VWA8: variants seen among roughly 807,000 people sequenced by gnomAD.
VWA8 encodes the protein von Willebrand factor A domain-containing protein 8.
VWA8 carries 221 observed loss-of-function variants against 241.5 expected under a neutral mutation model. The observed-to-expected ratio is 0.91, with a 90% CI of 0.82 to 1.02. The LOEUF (loss-of-function observed/expected upper bound fraction) is 1.02, where lower values mean the gene tolerates loss of function less well. Among genes scored for constraint, VWA8 ranks in the 50% least tolerant of loss-of-function variants. The pLI, the probability that VWA8 is intolerant of heterozygous loss-of-function variation, is 0.00. For synonymous variants in VWA8, 852 were observed against 827.1 expected, an observed-to-expected ratio of 1.03 and a Z score of -0.52; for missense variants, 2,322 against 2,328.7, an observed-to-expected ratio of 1.00 and a Z score of 0.06.
intron 43 of VWA8, 142 bp downstream of exon 43, chr13:41,575,598 T>C (rs1181958219): frequency 1.7e-6 from 1 of 584,360 alleles, no homozygotes; most frequent in African/African-American, 1.9e-5. Flanking sequence ...GCATGATGGG[T>C]GTTTTCTCAG....
At chr13:41,583,626 G>C (rs1383293832) in intron 42 of VWA8, among the ~76,000 whole-genome samples, 25 of 136,246 alleles carry the variant, frequency 1.8e-4, no homozygotes, top group Admixed American at 1.2e-3. Context: ...CTGGGTGACC[G>C]AGCAAGACTC....
At chr13:41,921,521 C>T (rs1876534480) in intron 2 of VWA8, among the ~76,000 whole-genome samples, 2 of 152,116 alleles carry the variant, frequency 1.3e-5, no homozygotes, top group Non-Finnish European at 1.5e-5. Context: ...GATGACATGA[C>T]TGTATATTTA....
intron 28 of VWA8, among the ~76,000 whole-genome samples, chr13:41,700,382 C>CT (rs1359066147): frequency 6.6e-6 from 1 of 151,842 alleles, no homozygotes; most frequent in African/African-American, 2.4e-5. Context: ...AACAGAAGGA[C>CT]TGAAAAAGAC....
intron 20 of VWA8, among the ~76,000 whole-genome samples, chr13:41,761,710 C>T (rs74514022): frequency 6.6e-6 from 1 of 152,006 alleles, no homozygotes; most frequent in Non-Finnish European, 1.5e-5. Flanking sequence ...TCCTTTAAAA[C>T]CTTGGAAACC....
chr13:41,754,277 A>C (rs1435753740), intron 21 of VWA8, among the ~76,000 whole-genome samples: 1 of 152,018 alleles, frequency 6.6e-6, no homozygotes, highest in Non-Finnish European at 1.5e-5. Flanking sequence ...GTCTCAAGAG[A>C]TCTGATGGTT....
rs369106098 is a variant in VWA8 at position 41,611,746 on chromosome 13, G to T, written c.4721-14C>A. On this transcript the variant is annotated splice_polypyrimidine_tract_variant and intron_variant, in intron 38 of 44. Coordinates refer to ENST00000379310, the MANE Select transcript of VWA8 (RefSeq NM_015058.2). ...TGTCTCTTCCCCCTGGAAGGAAAAC[G>T]TGGAAATTCAGATGATAAATCTGAA... The T allele has an allele frequency of 9.3e-6, 15 of 1,613,288 alleles. No individual in the cohort carries two copies. The highest frequency in any genetic ancestry group is 1.6e-4 in the Middle Eastern group (1 of 6,062).
At chr13:41,568,613 T>C (rs527590874) in intron 44 of VWA8, among the ~76,000 whole-genome samples, 2 of 152,342 alleles carry the variant, frequency 1.3e-5, no homozygotes, top group South Asian at 4.1e-4. Context: ...TTCATATTCT[T>C]TTGGTATAAC....
intron 37 of VWA8, among the ~76,000 whole-genome samples, chr13:41,627,509 T>TA (rs1168274153): frequency 3.3e-5 from 5 of 151,978 alleles, no homozygotes; most frequent in Non-Finnish European, 5.9e-5. Context: ...GGCAAAAGGG[T>TA]AAAAAAAGCT....
At chr13:41,862,653 C>A (rs1266634412) in intron 12 of VWA8, among the ~76,000 whole-genome samples, 2 of 152,180 alleles carry the variant, frequency 1.3e-5, no homozygotes, top group African/African-American at 2.4e-5. Context: ...GACATACATG[C>A]AGCCAATGAA....
At chr13:41,723,634 T>C (rs556974760) in intron 24 of VWA8, among the ~76,000 whole-genome samples, 1 of 152,206 alleles carries the variant, frequency 6.6e-6, no homozygotes, top group East Asian at 1.9e-4. Flanking sequence ...TGCAGGATAT[T>C]TGGAAAAGAG....
chr13:41,595,218 A>T (rs903314580), intron 40 of VWA8, among the ~76,000 whole-genome samples: 1 of 152,106 alleles, frequency 6.6e-6, no homozygotes, highest in African/African-American at 2.4e-5. Context: ...TCTTGTGCTG[A>T]TATTGCTTCT....
chr13:41,800,271 C>T (rs1869890350), intron 17 of VWA8, among the ~76,000 whole-genome samples: 2 of 152,048 alleles, frequency 1.3e-5, no homozygotes, highest in African/African-American at 2.4e-5. Flanking sequence ...GTTTTTGTTT[C>T]TCTTGGATAG....
chr13:41,574,196 C>G (rs540783168), intron 43 of VWA8, among the ~76,000 whole-genome samples: 1 of 139,628 alleles, frequency 7.2e-6, no homozygotes, highest in South Asian at 2.3e-4. Context: ...AAAAGAAAAC[C>G]CTAAAGTCTG....
chr13:41,630,430 T>G (rs2044719314), intron 37 of VWA8, among the ~76,000 whole-genome samples: 2 of 151,838 alleles, frequency 1.3e-5, no homozygotes, highest in South Asian at 4.1e-4. Context: ...ACCCTCCTTC[T>G]TCTTTCTGCT....
At chr13:41,794,436 G>A (rs1869596838) in intron 17 of VWA8, among the ~76,000 whole-genome samples, 1 of 152,154 alleles carries the variant, frequency 6.6e-6, no homozygotes, top group South Asian at 2.1e-4. Context: ...CTCACTGCAT[G>A]CCTGTTGTTG....
rs528148770 is a variant in VWA8, at chr13:41,922,827, A to G, written c.242-10659T>C. Among the ~76,000 whole-genome samples the G allele has an allele frequency of 9.2e-5, 14 of 152,284 alleles. No homozygotes were observed. The South Asian group carries it at 2.9e-3, about 32-fold the overall frequency. ...TGTGGAGAAATAGGAATACTTTTAC[A>G]CTGTTAGTGGGATTGTAAACTAGTT... On this transcript the variant is annotated intron_variant, in intron 2 of 44. Transcript: ENST00000379310.
intron 31 of VWA8, 97 bp downstream of exon 31, chr13:41,691,776 GT>G (rs1325178223): frequency 1.0e-6 from 1 of 972,454 alleles, no homozygotes; most frequent in Non-Finnish European, 1.6e-6. Context: ...TCATAATTTG[GT>G]TACATTCACT....
At chr13:41,935,184 G>A (rs1877292733) in intron 2 of VWA8, among the ~76,000 whole-genome samples, 1 of 152,162 alleles carries the variant, frequency 6.6e-6, no homozygotes, top group African/African-American at 2.4e-5. Context: ...TAGTGTGGCT[G>A]GTCAAGAGAT....
chr13:41,865,798 C>T lies in VWA8; in HGVS notation c.1363G>A (p.Val455Met). Residue 455 changes from valine to methionine, a missense_variant, in exon 12 of 45, where the codon GTG becomes ATG. By Grantham distance (21) the Val-to-Met change is conservative. Transcript: ENST00000379310. ...GTATCGGCAAAGTTCTTAGCGATCA[C>T]TGTTTTTCCACAACCCTACAAATGG... ...LIGGKGCGKT[V>M]IAKNFADTLG... The T allele has an allele frequency of 6.2e-7, 1 of 1,614,192 alleles. No individual in the cohort carries two copies. Among genetic ancestry groups the T allele is most frequent in the South Asian group, 1.1e-5 (1 of 91,086 alleles).
Sources: allele counts gnomAD v4.1 joint callset (sites outside exome capture counted in the v4.1 genomes callset), GRCh38; gene constraint gnomAD v4.1.1; transcripts MANE v1.5; gene names NCBI Gene and HGNC (gene_info 2026-07-23, HGNC 2026-07-21).